The following KDM5B variants were observed in gnomAD, a reference collection of about 807,000 sequenced individuals.
The protein encoded by KDM5B is lysine demethylase 5B.
In KDM5B, 144 loss-of-function variants were observed where a neutral mutation model predicts 193.4. That is an observed-to-expected ratio of 0.74 (90% CI 0.65 to 0.86). The LOEUF (loss-of-function observed/expected upper bound fraction) is 0.86, where lower values mean the gene tolerates loss of function less well. KDM5B is among the 40% of genes least tolerant of loss of function. KDM5B has a pLI of 0.00. For synonymous variants in KDM5B, 668 were observed against 682.6 expected (o/e 0.98, Z 0.33); for missense variants, 1,833 against 1,886.9 (o/e 0.97, Z 0.53).
intron 13 of KDM5B, 111 bp from the exon 14 acceptor site, chr1:202,749,250 G>T (rs530578414): frequency 3.2e-6 from 3 of 926,310 alleles, no homozygotes; most frequent in East Asian, 2.8e-5. Context: ...GTCTTAACAC[G>T]TATCATTTAC....
Position 202,742,569 on chromosome 1 carries a change from GT to G in KDM5B, c.2475-65del, listed in dbSNP as rs1655388135. On this transcript the variant is annotated intron_variant, in intron 17 of 26. Transcript: ENST00000367265. ...CATACATGTCCACCACACCCAGGTG[GT>G]CACAGAAATTCAAGACAGGAGTCAC... The G allele has an allele frequency of 1.9e-6, 3 of 1,600,080 alleles. No individual in the cohort carries two copies. In the East Asian group the frequency reaches 6.7e-5, roughly 36 times the overall value.
Position 202,729,747 on chromosome 1 carries a change from A to G in KDM5B, c.4457T>C (p.Ile1486Thr). 6.2e-7 allele frequency: 1 copy of G among 1,614,126 alleles called. No homozygotes were observed. The highest frequency in any genetic ancestry group is 8.5e-7 in the Non-Finnish European group (1 of 1,179,968). The change falls in exon 26 of 27, where the codon ATC (isoleucine) becomes ACC (threonine). Residue 1486 changes from isoleucine to threonine, a missense_variant. Around this residue, in one of 3 missense-constraint regions of KDM5B, gnomAD observed 1,379 missense variants for 1,349.6 expected, o/e 1.02. Coordinates refer to ENST00000367265, the MANE Select transcript of KDM5B (RefSeq NM_006618.5). ...CTGCAGGCAGCTCACAGCTGGGCAG[A>G]TGGCATCTTCATCCTCAGAGTCTTC... ...EQEDSEDEDA[I>T]CPAVSCLQPE...
chr1:202,731,651 T>C (rs1358861316), intron 24 of KDM5B, among the ~76,000 whole-genome samples, 177 bp downstream of exon 24: 3 of 152,208 alleles, frequency 2.0e-5, no homozygotes, highest in African/African-American at 7.2e-5. Flanking sequence ...CTCTGTTCCT[T>C]TGCATTTATA....
intron 2 of KDM5B, among the ~76,000 whole-genome samples, chr1:202,776,516 C>A (rs539828725): frequency 6.6e-6 from 1 of 152,132 alleles, no homozygotes; most frequent in East Asian, 1.9e-4. Context: ...AACCCTACAA[C>A]AAAAACACAA....
At chr1:202,797,677 G>A (rs1436572462) in intron 1 of KDM5B, among the ~76,000 whole-genome samples, 2 of 152,132 alleles carry the variant, frequency 1.3e-5, no homozygotes, top group South Asian at 4.1e-4. Flanking sequence ...AATTATGTTA[G>A]TAAGTACAAT....
chr1:202,807,372 C>G (rs1658341798), intron 1 of KDM5B: 1 of 151,632 alleles, frequency 6.6e-6, no homozygotes, highest in African/African-American at 2.4e-5. Flanking sequence ...CAAAAGTGTC[C>G]CCCAGACACT....
intron 1 of KDM5B, among the ~76,000 whole-genome samples, chr1:202,801,522 T>C (rs1303130037): frequency 3.9e-5 from 6 of 152,206 alleles, no homozygotes; most frequent in African/African-American, 1.4e-4. Flanking sequence ...GTTCATAAAC[T>C]TGGTTGTAAA....
chr1:202,799,831 T>C (rs1572784202), intron 1 of KDM5B, among the ~76,000 whole-genome samples: 1 of 152,260 alleles, frequency 6.6e-6, no homozygotes, highest in East Asian at 1.9e-4. Flanking sequence ...TAAAAGGTCA[T>C]TATGTGACCA....
rs1656490405 is a variant in KDM5B, at chr1:202,766,967, T to C, written c.670A>G (p.Thr224Ala). ...TTTGCTCGTCGGGCTGGGGGGCACG[T>C]TTCCGAAGGCTGCACAGACTGCCTC... is the stretch of plus-strand genomic sequence containing the variant. ...PQRQSVQPSE[T>A]CPPARRAKRM... The change falls in exon 5 of 27, where the codon ACG becomes GCG. Residue 224 changes from threonine to alanine, a missense_variant. Around this residue, in one of 3 missense-constraint regions of KDM5B, gnomAD observed 355 missense variants for 374.9 expected, o/e 0.95. Coordinates refer to ENST00000367265, the MANE Select transcript of KDM5B (RefSeq NM_006618.5). The C allele has an allele frequency of 1.3e-6, 2 of 1,585,316 alleles. No individual in the cohort carries two copies. The highest frequency in any genetic ancestry group is 1.4e-5 in the African/African-American group (1 of 72,714).
At chr1:202,807,600 G>A (rs1288071043) in intron 1 of KDM5B, among the ~76,000 whole-genome samples, 1 of 151,978 alleles carries the variant, frequency 6.6e-6, no homozygotes, top group Non-Finnish European at 1.5e-5. Context: ...GGCTCCCGCC[G>A]CCATATTGAA....
intron 1 of KDM5B, among the ~76,000 whole-genome samples, chr1:202,778,630 T>A (rs1657061873): frequency 6.6e-6 from 1 of 152,214 alleles, no homozygotes. Context: ...TACTTATTTA[T>A]TCACTTTTTG....
chr1:202,731,743 G>T, intron 24 of KDM5B, 85 bp downstream of exon 24: 1 of 1,009,708 alleles, frequency 9.9e-7, no homozygotes, highest in Non-Finnish European at 1.6e-6. Flanking sequence ...TCCTTTTTAT[G>T]GTACTTGATC....
chr1:202,742,293 A>G, intron 18 of KDM5B, 98 bp downstream of exon 18: 1 of 801,222 alleles, frequency 1.2e-6, no homozygotes, highest in Non-Finnish European at 2.1e-6. Flanking sequence ...AAATGTACAT[A>G]TTAATCATCA....
chr1:202,728,733 A>T lies in KDM5B; in HGVS notation c.*303T>A, dbSNP rs1654760718. Reference sequence around the variant, plus strand: ...GTAAAATTTTAATGCTGTACATGAAAAGGTGCAAGCTTCAATGCCTTCCAA... The same window carrying T: ...GTAAAATTTTAATGCTGTACATGAATAGGTGCAAGCTTCAATGCCTTCCAA... On this transcript the variant is annotated 3_prime_UTR_variant, in exon 27 of 27. Coordinates refer to ENST00000367265, the MANE Select transcript of KDM5B (RefSeq NM_006618.5). 3.8e-6 allele frequency: 1 copy of T among 260,602 alleles called. No homozygotes were observed. The highest frequency in any genetic ancestry group is 4.8e-5 in the Admixed American group (1 of 20,930). The allele number at this position is 260,602 out of a possible 1,614,324, so 16.1% of individuals were successfully genotyped here. A position where few individuals can be genotyped will look rare whatever the true frequency, so the allele number is the denominator to read the frequency against.
At chr1:202,755,225 T>C (rs1171879116) in intron 11 of KDM5B, 46 bp downstream of exon 11, 2 of 1,484,670 alleles carry the variant, frequency 1.3e-6, no homozygotes, top group East Asian at 2.3e-5. Context: ...AAAGTTTTCC[T>C]ATCCAGCATG....
At chr1:202,750,611 A>G (rs759867946) in intron 13 of KDM5B, 48 bp downstream of exon 13, 18 of 1,592,044 alleles carry the variant, frequency 1.1e-5, no homozygotes, top group Non-Finnish European at 6.0e-6. Flanking sequence ...CCATTTCCTC[A>G]GGAAAAACAA....
rs201728489 is a variant in KDM5B, at chr1:202,731,063, C to G, written c.4022G>C (p.Gly1341Ala). 8.0e-5 allele frequency: 128 copies of G among 1,599,532 alleles called. No individual in the cohort carries two copies. Among genetic ancestry groups the G allele is most frequent in the Non-Finnish European group, 1.0e-4 (122 of 1,171,728 alleles). The change falls in exon 25 of 27, where the codon GGT (glycine) becomes GCT (alanine). Residue 1341 changes from glycine to alanine, a missense_variant and splice_region_variant. Physicochemically the swap from Gly to Ala is moderately conservative, Grantham distance 60. This residue lies in a region of KDM5B where 1,379 missense variants were observed against 1,349.6 expected (regional missense o/e 1.02). Coordinates refer to ENST00000367265, the MANE Select transcript of KDM5B (RefSeq NM_006618.5). ...TAGTTCATTCACTTCTGGACTAACACCTGTAAAAGACCAGACCAAATCAAA... is the reference window on the plus strand; with the variant it reads ...TAGTTCATTCACTTCTGGACTAACAGCTGTAAAAGACCAGACCAAATCAAA... ...STGRSCIPLH[G>A]VSPEVNELLM...
intron 7 of KDM5B, among the ~76,000 whole-genome samples, chr1:202,762,475 G>A (rs552089289): frequency 1.6e-4 from 24 of 152,268 alleles, no homozygotes; most frequent in East Asian, 1.5e-3. Flanking sequence ...AGTCAATGCC[G>A]CCCCGGATGT....
chr1:202,770,311 T>C (rs1656659087), intron 4 of KDM5B, among the ~76,000 whole-genome samples: 1 of 152,176 alleles, frequency 6.6e-6, no homozygotes, highest in Non-Finnish European at 1.5e-5. Flanking sequence ...TTAGAAAACA[T>C]GATGATGCAA....
Sources: allele counts gnomAD v4.1 joint callset (sites outside exome capture counted in the v4.1 genomes callset), GRCh38; gene constraint gnomAD v4.1.1; regional missense constraint gnomAD v4.1.1; transcripts MANE v1.5; gene names NCBI Gene and HGNC (gene_info 2026-07-23, HGNC 2026-07-21).